Variants in DOCK2 observed in about 807,000 individuals in gnomAD.
DOCK2 encodes the protein dedicator of cytokinesis protein 2.
A neutral mutation model predicts 248.9 loss-of-function variants in DOCK2; 87 were observed. The observed-to-expected ratio is 0.35, with a 90% CI of 0.29 to 0.42. DOCK2 has a LOEUF of 0.42. Ranked by LOEUF, DOCK2 falls within the 10% of genes least tolerant of loss-of-function variation. The probability of loss-of-function intolerance (pLI) is 1.00; values close to 1 mark genes in which losing one functional copy is unlikely to be tolerated. For missense variants in DOCK2, 1,747 were observed against 2,300.2 expected (o/e 0.76, Z 4.92); for synonymous variants, 805 against 821.6 (o/e 0.98, Z 0.35).
At position 169,981,597 on chromosome 5, in the gene DOCK2, C is replaced by A. The variant is rs575374948; in HGVS notation, c.2800-1471C>A. ...TATAATTGTTTTAGCACACTATAAA[C>A]AAACTTCACTATGGCAAAGTTCACT... On this transcript the variant is annotated intron_variant, in intron 27 of 51. Coordinates refer to ENST00000520908, the MANE Select transcript of DOCK2 (RefSeq NM_004946.3). 2.6e-5 allele frequency among the ~76,000 whole-genome samples: 4 copies of A among 152,220 alleles called. No homozygotes were observed. In the South Asian group the frequency reaches 8.3e-4, roughly 32 times the overall value.
chr5:169,650,203 G>T (rs1021821128), intron 1 of DOCK2, among the ~76,000 whole-genome samples: 2 of 152,210 alleles, frequency 1.3e-5, no homozygotes, highest in Non-Finnish European at 2.9e-5. Flanking sequence ...AGTTAGGACA[G>T]TATCTAGCAC....
At chr5:169,710,641 T>G (rs561018456) in intron 15 of DOCK2, among the ~76,000 whole-genome samples, 20 of 152,102 alleles carry the variant, frequency 1.3e-4, no homozygotes, top group Non-Finnish European at 2.4e-4. Context: ...CATTCTTTAT[T>G]CCCCCCGGGC....
intron 14 of DOCK2, among the ~76,000 whole-genome samples, chr5:169,707,469 A>C (rs1761335091): frequency 6.6e-6 from 1 of 152,162 alleles, no homozygotes; most frequent in Admixed American, 6.5e-5. Flanking sequence ...TAGTGTGTAC[A>C]CATGTCTGTC....
chr5:169,806,651 T>G (rs960065244), intron 26 of DOCK2, among the ~76,000 whole-genome samples: 3 of 152,334 alleles, frequency 2.0e-5, no homozygotes, highest in African/African-American at 7.2e-5. Context: ...TAAACTTACC[T>G]TTTCCTAATT....
chr5:169,923,787 T>C (rs1775299588), intron 27 of DOCK2, among the ~76,000 whole-genome samples: 1 of 152,228 alleles, frequency 6.6e-6, no homozygotes, highest in African/African-American at 2.4e-5. Flanking sequence ...AAAGTTTCTC[T>C]TCTCTGTTAT....
intron 27 of DOCK2, among the ~76,000 whole-genome samples, chr5:169,876,625 G>T (rs1468865328): frequency 6.6e-6 from 1 of 152,242 alleles, no homozygotes; most frequent in African/African-American, 2.4e-5. Flanking sequence ...CTCTCTTGTT[G>T]AAAGTATGTG....
chr5:169,956,765 C>G (rs554106072), intron 27 of DOCK2, among the ~76,000 whole-genome samples: 2 of 152,274 alleles, frequency 1.3e-5, no homozygotes, highest in South Asian at 4.1e-4. Context: ...AGCTGGATCT[C>G]TCTCACAAAA....
chr5:169,943,349 T>C (rs1219943528), intron 27 of DOCK2, among the ~76,000 whole-genome samples: 1 of 152,076 alleles, frequency 6.6e-6, no homozygotes, highest in East Asian at 1.9e-4. Context: ...CCAGGCCCTG[T>C]GGACAGGCAA....
At chr5:170,017,221 C>T (rs952858208) in intron 32 of DOCK2, among the ~76,000 whole-genome samples, 6 of 152,144 alleles carry the variant, frequency 3.9e-5, no homozygotes, top group Non-Finnish European at 5.9e-5. Flanking sequence ...CCAGGCCACA[C>T]GCCATACCAC....
chr5:169,719,488 A>T (rs1762078498), intron 22 of DOCK2, among the ~76,000 whole-genome samples: 1 of 152,236 alleles, frequency 6.6e-6, no homozygotes, highest in African/African-American at 2.4e-5. Flanking sequence ...CTTAGTGCAA[A>T]CAAAGAACAC....
At chr5:169,949,349 A>T (rs895185747) in intron 27 of DOCK2, among the ~76,000 whole-genome samples, 1 of 152,154 alleles carries the variant, frequency 6.6e-6, no homozygotes, top group African/African-American at 2.4e-5. Flanking sequence ...GGGAAGCCTC[A>T]TGGAGGCCCA....
At chr5:169,706,069 C>T (rs1561619855) in intron 14 of DOCK2, among the ~76,000 whole-genome samples, 1 of 152,238 alleles carries the variant, frequency 6.6e-6, no homozygotes, top group Non-Finnish European at 1.5e-5. Context: ...TCTCAGTGCA[C>T]TTCCCAACAC....
At position 169,841,650 on chromosome 5, in the gene DOCK2, G is replaced by A. The variant is rs4867575; in HGVS notation, c.2799+798G>A. 2.4e-3 allele frequency: 438 copies of A among 181,156 alleles called. 15 individuals carry two copies. The East Asian group carries it at 0.065, about 27-fold the overall frequency. 11.2% of individuals were successfully genotyped at this position (181,156 alleles called of 1,614,324 possible). On this transcript the variant is annotated intron_variant, in intron 27 of 51. Coordinates refer to ENST00000520908, the MANE Select transcript of DOCK2 (RefSeq NM_004946.3). ...ACATATAAAACATGATAGATGTGCT[G>A]TTTCCCTTTTTTTGAGTCTGATATC...
intron 27 of DOCK2, among the ~76,000 whole-genome samples, chr5:169,977,023 G>A (rs1050155135): frequency 6.6e-6 from 1 of 152,236 alleles, no homozygotes; most frequent in Middle Eastern, 3.2e-3. Context: ...ACCAAAGAAT[G>A]TCACTGCACG....
intron 27 of DOCK2, among the ~76,000 whole-genome samples, chr5:169,904,184 G>C (rs1043725794): frequency 1.5e-4 from 23 of 151,736 alleles, no homozygotes; most frequent in African/African-American, 5.3e-4. Flanking sequence ...GGTAAAAGCA[G>C]CATACTGACC....
At chr5:169,952,981 A>T (rs1348995472) in intron 27 of DOCK2, among the ~76,000 whole-genome samples, 1 of 152,218 alleles carries the variant, frequency 6.6e-6, no homozygotes, top group Non-Finnish European at 1.5e-5. Flanking sequence ...GTTATTCAAT[A>T]TACTTATTTA....
chr5:169,945,261 C>T (rs1776399636), intron 27 of DOCK2, among the ~76,000 whole-genome samples: 1 of 152,232 alleles, frequency 6.6e-6, no homozygotes, highest in African/African-American at 2.4e-5. Flanking sequence ...TACAACGGGT[C>T]AATAATACCA....
intron 27 of DOCK2, among the ~76,000 whole-genome samples, chr5:169,936,944 A>G (rs1776027482): frequency 6.6e-6 from 1 of 152,210 alleles, no homozygotes; most frequent in Admixed American, 6.5e-5. Context: ...AAAGCTTCTC[A>G]ATCCCAGACT....
chr5:169,703,636 T>C (rs1761100177), intron 14 of DOCK2, among the ~76,000 whole-genome samples: 1 of 152,238 alleles, frequency 6.6e-6, no homozygotes, highest in African/African-American at 2.4e-5. Context: ...ATCCTCACAA[T>C]TGCCTTTTTG....
Sources: allele counts gnomAD v4.1 joint callset (sites outside exome capture counted in the v4.1 genomes callset), GRCh38; gene constraint gnomAD v4.1.1; transcripts MANE v1.5; gene names NCBI Gene and HGNC (gene_info 2026-07-23, HGNC 2026-07-21).